Variants in SOS2 observed in about 807,000 individuals in gnomAD.
The protein encoded by SOS2 is son of sevenless homolog 2.
SOS2 carries 65 observed loss-of-function variants against 148.2 expected under a neutral mutation model. The observed-to-expected ratio is 0.44, with a 90% confidence interval of 0.36 to 0.54. The LOEUF (loss-of-function observed/expected upper bound fraction) is 0.54, where lower values mean the gene tolerates loss of function less well. Among genes scored for constraint, SOS2 ranks in the 20% least tolerant of loss-of-function variants. SOS2 has a pLI of 0.00. For missense variants in SOS2, 1,341 were observed against 1,590.2 expected (o/e 0.84, Z 2.67); for synonymous variants, 539 against 537.1 (o/e 1.00, Z -0.05).
At chr14:50,146,176 T>C (rs1198463054) in intron 14 of SOS2, among the ~76,000 whole-genome samples, 1 of 149,488 alleles carries the variant, frequency 6.7e-6, no homozygotes, top group African/African-American at 2.5e-5. Context: ...AAAAGTCTGA[T>C]AATTCCAAAT....
intron 19 of SOS2, 72 bp from the exon 20 acceptor site, chr14:50,130,834 CCTT>C (rs1883844583): frequency 3.0e-6 from 4 of 1,320,096 alleles, no homozygotes; most frequent in Non-Finnish European, 4.2e-6. Flanking sequence ...CTTAGAGCTA[CCTT>C]ATTAGTCTTA....
At chr14:50,128,984 A>G (rs1003776753) in intron 21 of SOS2, among the ~76,000 whole-genome samples, 4 of 152,172 alleles carry the variant, frequency 2.6e-5, no homozygotes, top group Non-Finnish European at 5.9e-5. Flanking sequence ...TATTTTTCTC[A>G]TAAGATAGGG....
chr14:50,140,153 T>C, intron 16 of SOS2, 94 bp from the exon 17 acceptor site: 1 of 628,458 alleles, frequency 1.6e-6, no homozygotes, highest in South Asian at 2.4e-5. Context: ...TTGCAAATTA[T>C]CTGGAAAACA....
chr14:50,229,782 G>T (rs1052567292), intron 1 of SOS2, among the ~76,000 whole-genome samples: 2 of 152,170 alleles, frequency 1.3e-5, no homozygotes, highest in Non-Finnish European at 2.9e-5. Flanking sequence ...ATATACCTGC[G>T]TCACATTGCC....
At chr14:50,130,038 G>T in intron 20 of SOS2, 36 bp from the exon 21 acceptor site, 2 of 1,317,170 alleles carry the variant, frequency 1.5e-6, no homozygotes, top group Non-Finnish European at 2.2e-6. Context: ...GAAAAGGAAG[G>T]TAACATGTAG....
At chr14:50,142,711 C>T (rs1355214293) in intron 16 of SOS2, among the ~76,000 whole-genome samples, 1 of 152,190 alleles carries the variant, frequency 6.6e-6, no homozygotes, top group Non-Finnish European at 1.5e-5. Context: ...TAATCATTCT[C>T]TTACTGATAG....
At chr14:50,211,849 G>A (rs902541998) in intron 1 of SOS2, among the ~76,000 whole-genome samples, 2 of 151,990 alleles carry the variant, frequency 1.3e-5, no homozygotes, top group African/African-American at 2.4e-5. Context: ...GAAGACATAC[G>A]CTAGAAGGCT....
intron 1 of SOS2, among the ~76,000 whole-genome samples, chr14:50,228,036 G>A (rs1165422927): frequency 6.8e-6 from 1 of 147,274 alleles, no homozygotes; most frequent in Non-Finnish European, 1.5e-5. Flanking sequence ...AGATAGAGAT[G>A]CAAGTAATTT....
intron 7 of SOS2, among the ~76,000 whole-genome samples, chr14:50,176,369 T>C (rs1885522973): frequency 6.6e-6 from 1 of 152,222 alleles, no homozygotes; most frequent in Non-Finnish European, 1.5e-5. Flanking sequence ...AACTAATTAA[T>C]ATAGTGAATT....
At chr14:50,221,134 C>T (rs561028020) in intron 1 of SOS2, among the ~76,000 whole-genome samples, 3 of 152,258 alleles carry the variant, frequency 2.0e-5, no homozygotes, top group East Asian at 1.9e-4. Flanking sequence ...CATGATCATT[C>T]GCTCATTTAT....
intron 19 of SOS2, among the ~76,000 whole-genome samples, chr14:50,132,793 AAGTT>A (rs1362856656): frequency 5.3e-5 from 8 of 152,162 alleles, no homozygotes; most frequent in African/African-American, 1.9e-4. Flanking sequence ...TGTTTTGAGA[AAGTT>A]AGCCAAAGCT....
At chr14:50,184,443 G>T (rs1421781938) in intron 5 of SOS2, among the ~76,000 whole-genome samples, 1 of 152,058 alleles carries the variant, frequency 6.6e-6, no homozygotes, top group Non-Finnish European at 1.5e-5. Flanking sequence ...AATGTCTTTT[G>T]TTATTCATAA....
At chr14:50,178,696 A>G (rs1322189069) in intron 7 of SOS2, among the ~76,000 whole-genome samples, 13 of 44,040 alleles carry the variant, frequency 3.0e-4, no homozygotes, top group African/African-American at 1.2e-3. Flanking sequence ...ATATATATAT[A>G]TATATATATA....
chr14:50,199,256 T>C (rs766320389), intron 4 of SOS2, among the ~76,000 whole-genome samples: 1 of 152,072 alleles, frequency 6.6e-6, no homozygotes, highest in Non-Finnish European at 1.5e-5. Context: ...AGAAGACAGA[T>C]ATAAAAACAA....
At position 50,199,739 on chromosome 14, in the gene SOS2, A is replaced by C. The variant is rs528048319; in HGVS notation, c.462T>G (p.His154Gln). Residue 154 changes from histidine to glutamine, a missense_variant, in exon 4 of 23, where the codon CAT becomes CAG. By Grantham distance (24) the His-to-Gln change is conservative (BLOSUM62 0). This residue lies in a region of SOS2 where 574 missense variants were observed against 711.1 expected (regional missense o/e 0.81). Transcript: ENST00000216373. ...TAATGTCCTGCTGAGATATTTCATAATGCCGGATATTAAAAACATAATTAC... is the reference window on the plus strand; with the variant it reads ...TAATGTCCTGCTGAGATATTTCATACTGCCGGATATTAAAAACATAATTAC... ...LAGNYVFNIR[H>Q]YEISQQDIKV... 1 of 1,609,950 alleles carries C rather than the reference A, an allele frequency of 6.2e-7. No homozygotes were observed. Among genetic ancestry groups the C allele is most frequent in the Non-Finnish European group, 8.5e-7 (1 of 1,177,028 alleles).
intron 11 of SOS2, among the ~76,000 whole-genome samples, chr14:50,157,629 T>C (rs1884861349): frequency 6.6e-6 from 1 of 152,176 alleles, no homozygotes; most frequent in African/African-American, 2.4e-5. Flanking sequence ...GCTTTCCTTA[T>C]TCTGGACATG....
chr14:50,146,270 C>G (rs906930439), intron 14 of SOS2, among the ~76,000 whole-genome samples: 1 of 152,194 alleles, frequency 6.6e-6, no homozygotes, highest in East Asian at 1.9e-4. Flanking sequence ...GGCAAGATCT[C>G]ATAGTACTGA....
intron 16 of SOS2, among the ~76,000 whole-genome samples, chr14:50,144,191 C>T (rs1884387240): frequency 6.6e-6 from 1 of 151,856 alleles, no homozygotes; most frequent in South Asian, 2.1e-4. Context: ...GTCCCACAAT[C>T]TACTGTTGGA....
intron 21 of SOS2, among the ~76,000 whole-genome samples, chr14:50,124,764 T>C (rs1312510364): frequency 6.6e-6 from 1 of 152,230 alleles, no homozygotes; most frequent in Non-Finnish European, 1.5e-5. Context: ...TCCTTTGATG[T>C]GAAGTACCCA....
Sources: gnomAD v4.1 joint callset for allele counts (sites outside exome capture counted in the v4.1 genomes callset) on GRCh38, gnomAD v4.1.1 for gene constraint, gnomAD v4.1.1 regional missense constraint, MANE v1.5 for transcripts, NCBI Gene and HGNC (gene_info 2026-07-23, HGNC 2026-07-21) for gene names.